Variants in CNTN4 observed in about 807,000 individuals in gnomAD.
CNTN4 encodes the protein contactin-4.
CNTN4 carries 77 observed loss-of-function variants against 122.5 expected under a neutral mutation model. The ratio of observed to expected loss-of-function variants is 0.63; its 90% CI spans 0.52 to 0.76. The LOEUF is 0.76. Among genes scored for constraint, CNTN4 ranks in the 30% least tolerant of loss-of-function variants. The pLI is 0.00. For missense variants in CNTN4, 1,256 were observed against 1,259.1 expected (o/e 1.00, Z 0.04); for synonymous variants, 512 against 447.0 (o/e 1.15, Z -1.83).
chr3:2,611,305 AAAAAAAAG>A (rs1559302165), intron 4 of CNTN4, among the ~76,000 whole-genome samples: 2 of 148,844 alleles, frequency 1.3e-5, no homozygotes, highest in African/African-American at 2.5e-5. Flanking sequence ...ACCAAAAAAA[AAAAAAAAG>A]AAAGAAAGAA....
At chr3:2,736,416 C>G in intron 5 of CNTN4, 75 bp downstream of exon 5, 1 of 1,123,078 alleles carries the variant, frequency 8.9e-7, no homozygotes, top group Non-Finnish European at 1.3e-6. Flanking sequence ...TTATACAATG[C>G]TGGTTACATA....
intron 3 of CNTN4, among the ~76,000 whole-genome samples, chr3:2,349,082 T>G (rs1416449709): frequency 2.6e-5 from 4 of 152,226 alleles, no homozygotes; most frequent in African/African-American, 9.6e-5. Flanking sequence ...AAAATTTACA[T>G]TATTGCAATA....
chr3:2,960,231 C>T (rs1224042711), intron 13 of CNTN4, among the ~76,000 whole-genome samples: 1 of 152,164 alleles, frequency 6.6e-6, no homozygotes, highest in Non-Finnish European at 1.5e-5. Flanking sequence ...GTACAGTTGT[C>T]ACTTTGGTTC....
intron 12 of CNTN4, among the ~76,000 whole-genome samples, chr3:2,909,899 A>G (rs143028928): frequency 1.3e-5 from 2 of 152,210 alleles, no homozygotes; most frequent in African/African-American, 2.4e-5. Context: ...GAGAACCACT[A>G]TCCTAAAATA....
chr3:2,632,805 A>C (rs2082502670), intron 4 of CNTN4, among the ~76,000 whole-genome samples: 1 of 152,130 alleles, frequency 6.6e-6, no homozygotes, highest in African/African-American at 2.4e-5. Context: ...ATGAGTGATG[A>C]AGCTCAGGTG....
chr3:2,507,600 T>A (rs2149046686), intron 3 of CNTN4, among the ~76,000 whole-genome samples: 1 of 151,674 alleles, frequency 6.6e-6, no homozygotes, highest in African/African-American at 2.4e-5. Flanking sequence ...CCAGGCATAG[T>A]GGCAGGCGCC....
At chr3:2,130,628 A>G (rs2034406236) in intron 2 of CNTN4, among the ~76,000 whole-genome samples, 1 of 152,190 alleles carries the variant, frequency 6.6e-6, no homozygotes, top group Non-Finnish European at 1.5e-5. Context: ...TAAAATGTTT[A>G]TTAGTTATTG....
chr3:2,122,022 G>GTT (rs1268842943), intron 2 of CNTN4, among the ~76,000 whole-genome samples: 9 of 135,250 alleles, frequency 6.7e-5, no homozygotes, highest in Non-Finnish European at 8.4e-5. Flanking sequence ...CGGGCGTGGT[G>GTT]GCGGCGCCTG....
At chr3:2,679,218 A>T (rs1294538210) in intron 4 of CNTN4, among the ~76,000 whole-genome samples, 1 of 152,200 alleles carries the variant, frequency 6.6e-6, no homozygotes. Flanking sequence ...TTTTAGAGGT[A>T]GTTAATTAAA....
chr3:2,862,503 C>A (rs1444051737), intron 7 of CNTN4, among the ~76,000 whole-genome samples: 2 of 152,134 alleles, frequency 1.3e-5, no homozygotes, highest in Non-Finnish European at 2.9e-5. Context: ...ATACAACTAG[C>A]CTCAGTATTT....
intron 2 of CNTN4, among the ~76,000 whole-genome samples, chr3:2,228,908 A>G (rs952745948): frequency 6.6e-6 from 1 of 152,152 alleles, no homozygotes; most frequent in African/African-American, 2.4e-5. Context: ...TAGAGCTGCA[A>G]ACTAAGAGAA....
chr3:2,556,873 A>G (rs1352334914), intron 3 of CNTN4, among the ~76,000 whole-genome samples: 2 of 152,162 alleles, frequency 1.3e-5, no homozygotes, highest in Non-Finnish European at 1.5e-5. Flanking sequence ...TCAGATGTTG[A>G]AAAGAAATGG....
chr3:2,615,667 G>T (rs897047436), intron 4 of CNTN4, among the ~76,000 whole-genome samples: 1 of 152,092 alleles, frequency 6.6e-6, no homozygotes, highest in Non-Finnish European at 1.5e-5. Context: ...AAAATTTAAT[G>T]ATTTTAAGTA....
Position 2,937,633 on chromosome 3 carries a change from T to G in CNTN4, c.1358+11854T>G, listed in dbSNP as rs769619875. On this transcript the variant is annotated intron_variant, in intron 13 of 24. Transcript: ENST00000418658. ...ACTTGGTTTCTAGAGTTTTATAAAA[T>G]TCAGCTACTGTGACCATGTATACAC... is the stretch of plus-strand genomic sequence containing the variant. Among the ~76,000 whole-genome samples the G allele has an allele frequency of 4.6e-5, 7 of 152,134 alleles. No homozygotes were observed. In the East Asian group the frequency reaches 1.3e-3, roughly 29 times the overall value.
intron 3 of CNTN4, among the ~76,000 whole-genome samples, chr3:2,405,232 G>T (rs1451543443): frequency 2.6e-5 from 4 of 152,086 alleles, no homozygotes; most frequent in South Asian, 2.1e-4. Context: ...GGTCAGTATG[G>T]TACATATATT....
At chr3:2,998,707 T>A (rs1465695937) in intron 14 of CNTN4, among the ~76,000 whole-genome samples, 1 of 152,030 alleles carries the variant, frequency 6.6e-6, no homozygotes, top group Non-Finnish European at 1.5e-5. Flanking sequence ...CCCCAGTACA[T>A]GAAGGCTCCT....
At chr3:2,757,146 T>A (rs1179488971) in intron 6 of CNTN4, among the ~76,000 whole-genome samples, 1 of 152,160 alleles carries the variant, frequency 6.6e-6, no homozygotes, top group Non-Finnish European at 1.5e-5. Context: ...ACACTATGCA[T>A]TTTCCCCTGG....
At chr3:2,560,068 A>G (rs2078885328) in intron 3 of CNTN4, among the ~76,000 whole-genome samples, 1 of 152,154 alleles carries the variant, frequency 6.6e-6, no homozygotes, top group African/African-American at 2.4e-5. Flanking sequence ...CCCATATTAT[A>G]GTTTAGCTAA....
chr3:2,670,780 A>G (rs1258711567), intron 4 of CNTN4, among the ~76,000 whole-genome samples: 1 of 151,902 alleles, frequency 6.6e-6, no homozygotes, highest in Non-Finnish European at 1.5e-5. Context: ...CTCTTTTAGG[A>G]CAGGCCTGGT....
Sources: gnomAD v4.1 joint callset for allele counts (sites outside exome capture counted in the v4.1 genomes callset) on GRCh38, gnomAD v4.1.1 for gene constraint, MANE v1.5 for transcripts, NCBI Gene and HGNC (gene_info 2026-07-23, HGNC 2026-07-21) for gene names.